C2orf74: variants seen among roughly 807,000 people sequenced by gnomAD.
C2orf74 encodes the protein DPM1 ER membrane anchor 1, also known as uncharacterized protein C2orf74.
Under a neutral mutation model 17.9 loss-of-function variants are expected in C2orf74, and 14 were observed. The ratio of observed to expected loss-of-function variants is 0.78; its 90% CI spans 0.52 to 1.22. C2orf74 has a LOEUF of 1.22. C2orf74 is among the 50% of genes most tolerant of loss of function. The pLI, the probability that C2orf74 is intolerant of heterozygous loss-of-function variation, is 0.00. For synonymous variants in C2orf74, 79 were observed against 72.6 expected (o/e 1.09, Z -0.44); for missense variants, 217 against 218.4 (o/e 0.99, Z 0.04).
upstream of C2orf74, among the ~76,000 whole-genome samples, chr2:61,160,944 A>G (rs1336161168): frequency 6.6e-6 from 1 of 152,250 alleles, no homozygotes; most frequent in African/African-American, 2.4e-5. Context: ...GAATTACTGC[A>G]TCATATAGTA....
At chr2:61,145,863 G>C (rs927122108) in intron 1 of C2orf74, among the ~76,000 whole-genome samples, 2 of 152,184 alleles carry the variant, frequency 1.3e-5, no homozygotes, top group African/African-American at 4.8e-5. Context: ...TAATAAAAAT[G>C]CAAATCATCA....
At position 61,163,477 on chromosome 2, in the gene C2orf74, G is replaced by A. The variant is rs897442110; in HGVS notation, c.390+245G>A. ...AAATTAGCTGGGCGTGGTGGCACCCGCCTGTAATCCCAGCTACTTGGGAGG... is the reference window on the plus strand; with the variant it reads ...AAATTAGCTGGGCGTGGTGGCACCCACCTGTAATCCCAGCTACTTGGGAGG... On this transcript the variant is annotated intron_variant, in intron 4 of 4. Transcript: ENST00000432605. Among the ~76,000 whole-genome samples, 45 of 152,032 alleles carry A rather than the reference G, an allele frequency of 3.0e-4. No individual in the cohort carries two copies. The East Asian group carries it at 7.6e-3, about 26-fold the overall frequency.
chr2:61,164,648 T>TAAGCAAA lies in C2orf74; in HGVS notation c.*121_*122insAAGCAAA, dbSNP rs562942602. On this transcript the variant is annotated 3_prime_UTR_variant, in exon 5 of 5. Transcript: ENST00000432605. ...GGAATTAAGCAAATAAAGATATTATTTTACCTTTGTGCAGAAAGGAGTGAG... is the reference window on the plus strand; with the variant it reads ...GGAATTAAGCAAATAAAGATATTATTAAGCAAATTACCTTTGTGCAGAAAGGAGTGAG... 1.2e-4 allele frequency: 107 copies of TAAGCAAA among 864,656 alleles called. 1 individual carries two copies. In the African/African-American group the frequency reaches 1.7e-3, roughly 14 times the overall value. 53.6% of individuals were successfully genotyped at this position (864,656 alleles called of 1,614,324 possible).
At chr2:61,150,220 T>A (rs947155303) in intron 1 of C2orf74, among the ~76,000 whole-genome samples, 18 of 152,172 alleles carry the variant, frequency 1.2e-4, no homozygotes, top group African/African-American at 4.1e-4. Context: ...CTGATCCAAG[T>A]TCTGTGCCCC....
chr2:61,150,060 C>T (rs540499538), intron 1 of C2orf74, among the ~76,000 whole-genome samples: 45 of 152,250 alleles, frequency 3.0e-4, no homozygotes, highest in Non-Finnish European at 5.1e-4. Flanking sequence ...CTGCAAAGAT[C>T]GCCGAATGGT....
intron 1 of C2orf74, among the ~76,000 whole-genome samples, chr2:61,154,120 T>TC (rs1685323290): frequency 6.9e-6 from 1 of 144,308 alleles, no homozygotes; most frequent in Non-Finnish European, 1.5e-5. Flanking sequence ...ATGCCTGTAA[T>TC]CCAGTCGGGA....
At chr2:61,148,585 A>G (rs965596146) in intron 1 of C2orf74, among the ~76,000 whole-genome samples, 6 of 152,206 alleles carry the variant, frequency 3.9e-5, no homozygotes, top group Non-Finnish European at 7.3e-5. Flanking sequence ...ACTAATGTTT[A>G]TTACTCATTT....
intron 1 of C2orf74, 34 bp from the exon 2 acceptor site, chr2:61,162,382 C>T (rs1232766498): frequency 1.4e-6 from 1 of 700,314 alleles, no homozygotes; most frequent in Non-Finnish European, 2.4e-6. Flanking sequence ...AAAAGAACAA[C>T]AAAGAAAACA....
intron 1 of C2orf74, among the ~76,000 whole-genome samples, chr2:61,151,175 G>C (rs1250259828): frequency 6.6e-6 from 1 of 151,528 alleles, no homozygotes; most frequent in Admixed American, 6.6e-5. Flanking sequence ...CATTAGCCAG[G>C]TGTGATGGCA....
rs532781727 is a variant in C2orf74, at chr2:61,156,286, C to G, written c.-121-6556C>G. ...GGTTCTGTGGCTCATGCCTATAATC[C>G]TGGCACTTTGGGAGGGTGAGGCAGG... is the stretch of plus-strand genomic sequence containing the variant. On this transcript the variant is annotated intron_variant, in intron 1 of 3. Transcript: ENST00000426997. Among the ~76,000 whole-genome samples, 220 of 152,160 alleles carry G rather than the reference C, an allele frequency of 1.4e-3. 3 individuals carry two copies. In the Middle Eastern group the frequency reaches 0.017, roughly 12 times the overall value.
upstream of C2orf74, among the ~76,000 whole-genome samples, chr2:61,157,589 T>C (rs944025814): frequency 6.6e-6 from 1 of 152,198 alleles, no homozygotes; most frequent in Non-Finnish European, 1.5e-5. Flanking sequence ...CCTTCAGGCA[T>C]AGCTAGATCA....
chr2:61,162,876 G>C lies in C2orf74; in HGVS notation c.130G>C (p.Val44Leu), dbSNP rs369975311. The change falls in exon 3 of 5, where the codon GTG (valine) becomes CTG (leucine). Residue 44 changes from valine to leucine, a missense_variant. Val to Leu is a conservative substitution (Grantham distance 32, BLOSUM62 1). Coordinates refer to ENST00000432605, the MANE Select transcript of C2orf74 (RefSeq NM_001143959.4). The part of the protein sequence containing the change: ...QGRKGKETKK[V>L]PCTDANGGVD... ...CAGGAAAGGTAAAGAGACAAAGAAA[G>C]TGCCTTGTACAGATGCAAACGGAGG... The C allele has an allele frequency of 1.9e-6, 3 of 1,552,426 alleles. No homozygotes were observed. In the South Asian group the frequency reaches 3.6e-5, roughly 18 times the overall value.
At chr2:61,146,487 TA>T (rs1685072881) in intron 1 of C2orf74, among the ~76,000 whole-genome samples, 1 of 152,106 alleles carries the variant, frequency 6.6e-6, no homozygotes, top group Non-Finnish European at 1.5e-5. Context: ...TGCTGTTCAT[TA>T]AAAACAAAAA....
rs567599911 is a variant in C2orf74, at chr2:61,151,131, G to A, written c.-122+5935G>A. On this transcript the variant is annotated intron_variant, in intron 1 of 3. Transcript: ENST00000426997. Reference sequence around the variant, plus strand: ...AGGAGTTCAAGACCAGCCTGGCCAAGATGGTGAAACCCCGTCTCTACTAAA... The same window carrying A: ...AGGAGTTCAAGACCAGCCTGGCCAAAATGGTGAAACCCCGTCTCTACTAAA... Among the ~76,000 whole-genome samples the A allele has an allele frequency of 3.8e-3, 575 of 151,824 alleles. 1 individual carries two copies. Among genetic ancestry groups the A allele is most frequent in the Non-Finnish European group, 6.7e-3 (458 of 67,930 alleles).
rs747027707 is a variant in C2orf74 at position 61,162,967 on chromosome 2, G to A, written c.209+12G>A. The A allele has an allele frequency of 1.3e-6, 2 of 1,552,080 alleles. No homozygotes were observed. Among genetic ancestry groups the A allele is most frequent in the Non-Finnish European group, 1.7e-6 (2 of 1,146,716 alleles). On this transcript the variant is annotated intron_variant, in intron 3 of 4. Transcript: ENST00000432605. Reference sequence around the variant, plus strand: ...GAGGACCATGAAAGGCGAGTGTGGTGCAGGATGTGGCAGAGGCCATTTTGT... The same window carrying A: ...GAGGACCATGAAAGGCGAGTGTGGTACAGGATGTGGCAGAGGCCATTTTGT...
At position 61,163,243 on chromosome 2, in the gene C2orf74, T is replaced by C. The variant is rs1370641529; in HGVS notation, c.390+11T>C. On this transcript the variant is annotated intron_variant, in intron 4 of 4. Coordinates refer to ENST00000432605, the MANE Select transcript of C2orf74 (RefSeq NM_001143959.4). ...ACTGGTCAAGAAGAGGTGATGTGTT[T>C]TTCTACTCTCAAAGAGCAGTTTAGA... The C allele has an allele frequency of 2.6e-6, 4 of 1,547,886 alleles. No homozygotes were observed. The highest frequency in any genetic ancestry group is 4.9e-5 in the East Asian group (2 of 41,066).
intron 1 of C2orf74, among the ~76,000 whole-genome samples, chr2:61,146,659 C>A (rs932049806): frequency 6.6e-6 from 1 of 152,058 alleles, no homozygotes; most frequent in Admixed American, 6.6e-5. Flanking sequence ...TGTGGTGAAA[C>A]CCCGTCTCTA....
At chr2:61,146,181 G>A (rs977072388) in intron 1 of C2orf74, among the ~76,000 whole-genome samples, 1 of 152,196 alleles carries the variant, frequency 6.6e-6, no homozygotes, top group African/African-American at 2.4e-5. Context: ...ACACACAATG[G>A]AACATTATGC....
At chr2:61,153,315 C>T (rs548291186) in intron 1 of C2orf74, among the ~76,000 whole-genome samples, 1 of 152,128 alleles carries the variant, frequency 6.6e-6, no homozygotes, top group African/African-American at 2.4e-5. Flanking sequence ...GAGTCTCGCT[C>T]AGTCACCCAG....
Sources: allele counts gnomAD v4.1 joint callset (sites outside exome capture counted in the v4.1 genomes callset), GRCh38; gene constraint gnomAD v4.1.1; transcripts MANE v1.5; gene names NCBI Gene and HGNC (gene_info 2026-07-23, HGNC 2026-07-21).